The following TRAPPC9 variants were observed in gnomAD, a reference collection of about 807,000 sequenced individuals.
TRAPPC9 encodes the protein trafficking protein particle complex subunit 9, also known as IKK2 binding protein.
TRAPPC9 carries 83 observed loss-of-function variants against 124.0 expected under a neutral mutation model. That is an observed-to-expected ratio of 0.67 (90% CI 0.56 to 0.80). The LOEUF (loss-of-function observed/expected upper bound fraction) is 0.80, where lower values mean the gene tolerates loss of function less well. Among genes scored for constraint, TRAPPC9 ranks in the 30% least tolerant of loss-of-function variants. TRAPPC9 has a pLI of 0.00. For missense variants in TRAPPC9, 1,302 were observed against 1,508.3 expected (o/e 0.86, Z 2.27); for synonymous variants, 638 against 617.5 (o/e 1.03, Z -0.49).
intron 18 of TRAPPC9, among the ~76,000 whole-genome samples, chr8:139,999,727 A>G (rs1838267984): frequency 6.6e-6 from 1 of 152,236 alleles, no homozygotes; most frequent in Non-Finnish European, 1.5e-5. Context: ...TTCTCTGACC[A>G]AAACAGAATT....
chr8:140,007,870 G>A (rs530892709), intron 18 of TRAPPC9, among the ~76,000 whole-genome samples: 15 of 152,258 alleles, frequency 9.9e-5, no homozygotes, highest in Admixed American at 8.5e-4. Context: ...ATATGCATCA[G>A]TAAAACATAA....
chr8:140,410,429 A>G (rs2069663953), intron 5 of TRAPPC9, among the ~76,000 whole-genome samples: 1 of 151,670 alleles, frequency 6.6e-6, no homozygotes, highest in Admixed American at 6.6e-5. Flanking sequence ...CCAACTACTC[A>G]GGAGGCTGAG....
In TRAPPC9 at chr8:139,825,374, T is replaced by G. The variant is rs1365077269; in HGVS notation, c.3055+60505A>C. On this transcript the variant is annotated intron_variant, in intron 21 of 22. Coordinates refer to ENST00000438773, the MANE Select transcript of TRAPPC9 (RefSeq NM_001160372.4). This position sits in a 1 kb window ranked among gnomAD's most constrained non-coding sequence, Gnocchi z 4.6. ...AGGCGGCACTGGCATCCTGTGAGGATGAAGGCCTGTCCATCCCATGGCTGT... is the reference window on the plus strand; with the variant it reads ...AGGCGGCACTGGCATCCTGTGAGGAGGAAGGCCTGTCCATCCCATGGCTGT... Among the ~76,000 whole-genome samples, 1 of 152,010 alleles carries G rather than the reference T, an allele frequency of 6.6e-6. No individual in the cohort carries two copies. The highest frequency in any genetic ancestry group is 2.4e-5 in the African/African-American group (1 of 41,392).
intron 17 of TRAPPC9, among the ~76,000 whole-genome samples, chr8:140,055,285 T>TG (rs1327753212): frequency 6.6e-6 from 1 of 152,154 alleles, no homozygotes; most frequent in African/African-American, 2.4e-5. Context: ...TCACCTGCAC[T>TG]GATGCAGCAA....
chr8:139,805,407 G>A (rs912657455), intron 21 of TRAPPC9, among the ~76,000 whole-genome samples: 1 of 152,238 alleles, frequency 6.6e-6, no homozygotes, highest in Non-Finnish European at 1.5e-5. Flanking sequence ...CGGCAGGTGG[G>A]GACCTGCAGA....
chr8:139,860,638 C>T (rs1828070146), intron 21 of TRAPPC9, among the ~76,000 whole-genome samples: 1 of 152,202 alleles, frequency 6.6e-6, no homozygotes, highest in Non-Finnish European at 1.5e-5. Context: ...TCAGCACTTC[C>T]CCCCAGCTCA....
intron 17 of TRAPPC9, among the ~76,000 whole-genome samples, chr8:140,057,572 A>C (rs900374239): frequency 2.0e-5 from 3 of 152,230 alleles, no homozygotes; most frequent in Non-Finnish European, 4.4e-5. Flanking sequence ...ATGCTAAAGG[A>C]AATAAAGCAG....
chr8:140,081,029 C>A lies in TRAPPC9; in HGVS notation c.2557-56950G>T, dbSNP rs77454470. Among the ~76,000 whole-genome samples the A allele has an allele frequency of 1.9e-3, 283 of 152,276 alleles. 1 individual carries two copies. The highest frequency in any genetic ancestry group is 6.5e-3 in the African/African-American group (269 of 41,550). On this transcript the variant is annotated intron_variant, in intron 17 of 22. Transcript: ENST00000438773. ...CCTGCTGTGCCACCAACCAGGAAAGCCCCCTCCTCCAGGGAGGCACCCACC... is the reference window on the plus strand; with the variant it reads ...CCTGCTGTGCCACCAACCAGGAAAGACCCCTCCTCCAGGGAGGCACCCACC...
At chr8:140,458,489 C>A (rs750200775), upstream of TRAPPC9, 6 of 1,575,592 alleles carry the variant, frequency 3.8e-6, no homozygotes, top group Non-Finnish European at 4.3e-6. Flanking sequence ...GCCCGGGAGG[C>A]ACGTGAGGTG....
chr8:139,745,609 G>A (rs552147911), intron 21 of TRAPPC9, among the ~76,000 whole-genome samples: 209 of 152,342 alleles, frequency 1.4e-3, no homozygotes, highest in Non-Finnish European at 2.3e-3. Context: ...GCAGGGGCAG[G>A]ACATGGGCTG....
At chr8:140,426,554 T>C (rs2070429338) in intron 5 of TRAPPC9, 61 bp downstream of exon 5, 2 of 1,497,944 alleles carry the variant, frequency 1.3e-6, no homozygotes, top group Non-Finnish European at 1.9e-6. Flanking sequence ...TTCATTCACA[T>C]CACCATGAAA....
At chr8:140,207,350 T>G (rs1331712565) in intron 17 of TRAPPC9, among the ~76,000 whole-genome samples, 1 of 152,234 alleles carries the variant, frequency 6.6e-6, no homozygotes, top group African/African-American at 2.4e-5. Flanking sequence ...ATTCTTTTTG[T>G]TTGACGTTGT....
At chr8:139,801,969 C>T (rs1214046995) in intron 21 of TRAPPC9, among the ~76,000 whole-genome samples, 2 of 152,204 alleles carry the variant, frequency 1.3e-5, no homozygotes, top group Non-Finnish European at 2.9e-5. Flanking sequence ...TCTCCTGGGG[C>T]TCCAGAAAAT....
At chr8:140,223,125 T>C (rs554809153) in intron 16 of TRAPPC9, among the ~76,000 whole-genome samples, 1 of 152,276 alleles carries the variant, frequency 6.6e-6, no homozygotes, top group South Asian at 2.1e-4. Flanking sequence ...ACCCACGTAT[T>C]AAACCCAGCA....
intron 19 of TRAPPC9, among the ~76,000 whole-genome samples, chr8:139,978,074 C>T (rs769620705): frequency 2.6e-5 from 4 of 152,158 alleles, no homozygotes; most frequent in Non-Finnish European, 4.4e-5. Context: ...GCTGGGGTTT[C>T]ACCTTGTTGG....
chr8:139,793,655 C>T (rs1189954891), intron 21 of TRAPPC9, among the ~76,000 whole-genome samples: 7 of 152,144 alleles, frequency 4.6e-5, no homozygotes, highest in Non-Finnish European at 8.8e-5. Context: ...GACACAGCTT[C>T]CCTGAGGGCT....
chr8:140,414,576 T>G (rs2069834192), intron 5 of TRAPPC9, among the ~76,000 whole-genome samples: 1 of 152,114 alleles, frequency 6.6e-6, no homozygotes, highest in Non-Finnish European at 1.5e-5. Context: ...TGAAATCATT[T>G]AAATGTGTTC....
In TRAPPC9 at chr8:139,808,173, T is replaced by A. The variant is rs146847617; in HGVS notation, c.3056-75971A>T. ...CAATTTACCCATTTGAAGTATACAA[T>A]TCAGGCTGGACACAGTGGCTCACGC... is the stretch of plus-strand genomic sequence containing the variant. On this transcript the variant is annotated intron_variant, in intron 21 of 22. Coordinates refer to ENST00000438773, the MANE Select transcript of TRAPPC9 (RefSeq NM_001160372.4). Among the ~76,000 whole-genome samples the A allele has an allele frequency of 2.6e-3, 391 of 152,338 alleles. 2 individuals are homozygous for A. Among genetic ancestry groups the A allele is most frequent in the African/African-American group, 8.7e-3 (362 of 41,564 alleles).
intron 16 of TRAPPC9, among the ~76,000 whole-genome samples, chr8:140,242,071 G>A (rs1217339785): frequency 1.3e-5 from 2 of 152,018 alleles, no homozygotes; most frequent in South Asian, 4.1e-4. Context: ...GAAGAGCACA[G>A]ATGAAGGGCA....
Sources: allele counts gnomAD v4.1 joint callset (sites outside exome capture counted in the v4.1 genomes callset), GRCh38; gene constraint gnomAD v4.1.1; non-coding constraint Gnocchi (gnomAD v3.1); transcripts MANE v1.5; gene names NCBI Gene and HGNC (gene_info 2026-07-23, HGNC 2026-07-21).